The following ALCAM variants were observed in gnomAD, a reference collection of about 807,000 sequenced individuals.
ALCAM encodes activated leukocyte cell adhesion molecule, also known as CD166 antigen.
A neutral mutation model predicts 70.9 loss-of-function variants in ALCAM; 30 were observed. That is an observed-to-expected ratio of 0.42 (90% CI 0.32 to 0.57). The LOEUF (loss-of-function observed/expected upper bound fraction) is 0.57, where lower values mean the gene tolerates loss of function less well. ALCAM is among the 20% of genes least tolerant of loss of function. ALCAM has a pLI of 0.11. For synonymous variants in ALCAM, 249 were observed against 242.5 expected, an observed-to-expected ratio of 1.03 and a Z score of -0.25; for missense variants, 591 against 695.1, an observed-to-expected ratio of 0.85 and a Z score of 1.68.
chr3:105,374,483 A>T (rs1451996472), intron 1 of ALCAM, among the ~76,000 whole-genome samples: 1 of 152,090 alleles, frequency 6.6e-6, no homozygotes. Flanking sequence ...GTCACTAAGA[A>T]ATCTTCTAAT....
chr3:105,382,354 G>A (rs1935544605), intron 1 of ALCAM, among the ~76,000 whole-genome samples: 1 of 151,940 alleles, frequency 6.6e-6, no homozygotes, highest in Non-Finnish European at 1.5e-5. Context: ...GGACATTTGG[G>A]TTCTTTCCAA....
At chr3:105,379,183 A>G (rs1349285005) in intron 1 of ALCAM, among the ~76,000 whole-genome samples, 2 of 152,016 alleles carry the variant, frequency 1.3e-5, no homozygotes, top group Non-Finnish European at 2.9e-5. Flanking sequence ...GTCAGTGCCT[A>G]GCACATTGTA....
chr3:105,528,660 AT>A (rs1939766625), intron 3 of ALCAM, among the ~76,000 whole-genome samples: 2 of 152,174 alleles, frequency 1.3e-5, no homozygotes, highest in Admixed American at 6.5e-5. Flanking sequence ...GTTCTCACTT[AT>A]AAGTGGGAGC....
chr3:105,571,809 A>G, intron 14 of ALCAM, 43 bp from the exon 15 acceptor site: 1 of 1,332,300 alleles, frequency 7.5e-7, no homozygotes, highest in South Asian at 1.3e-5. Flanking sequence ...AAAGTTGAAC[A>G]TGTATGTGTC....
chr3:105,376,760 T>C (rs1043749410), intron 1 of ALCAM, among the ~76,000 whole-genome samples: 7 of 152,218 alleles, frequency 4.6e-5, no homozygotes, highest in Admixed American at 4.6e-4. Context: ...AAGTGATATC[T>C]GAGCTACGTG....
At chr3:105,405,027 C>G (rs1032937875) in intron 1 of ALCAM, among the ~76,000 whole-genome samples, 1 of 151,978 alleles carries the variant, frequency 6.6e-6, no homozygotes, top group Non-Finnish European at 1.5e-5. Flanking sequence ...CCTGTAATCC[C>G]AACACTTTGG....
At chr3:105,553,245 C>G (rs550533770) in intron 14 of ALCAM, 10 of 443,380 alleles carry the variant, frequency 2.3e-5, no homozygotes, top group African/African-American at 2.1e-4. Flanking sequence ...AAGGAAAATC[C>G]GATGAACCAG....
chr3:105,457,320 T>C (rs1235170857), intron 1 of ALCAM, among the ~76,000 whole-genome samples: 4 of 152,088 alleles, frequency 2.6e-5, no homozygotes, highest in African/African-American at 9.7e-5. Context: ...TTTAACCAAA[T>C]ACTGCATGTT....
intron 1 of ALCAM, among the ~76,000 whole-genome samples, chr3:105,494,140 G>A (rs1380160334): frequency 5.9e-5 from 9 of 152,142 alleles, no homozygotes; most frequent in Admixed American, 1.3e-4. Context: ...CTGAAAAGAA[G>A]GGTCAATGAG....
intron 8 of ALCAM, 102 bp from the exon 9 acceptor site, chr3:105,545,121 C>A: frequency 1.3e-6 from 1 of 772,210 alleles, no homozygotes. Flanking sequence ...TGTTCAAATG[C>A]AGTTAGAAGA....
chr3:105,402,044 A>G (rs1936102926), intron 1 of ALCAM, among the ~76,000 whole-genome samples: 1 of 152,202 alleles, frequency 6.6e-6, no homozygotes, highest in African/African-American at 2.4e-5. Context: ...AACAGGAAGC[A>G]AAGTGAGTGA....
intron 1 of ALCAM, among the ~76,000 whole-genome samples, chr3:105,394,935 A>G (rs1481675355): frequency 6.6e-6 from 1 of 151,924 alleles, no homozygotes; most frequent in African/African-American, 2.4e-5. Context: ...CATTTTTTCT[A>G]CTAATGTGGA....
chr3:105,400,549 A>G (rs1387633860), intron 1 of ALCAM, among the ~76,000 whole-genome samples: 3 of 152,208 alleles, frequency 2.0e-5, no homozygotes, highest in African/African-American at 7.2e-5. Context: ...TTAGAAGAGT[A>G]ATACAGTAAT....
chr3:105,455,107 G>T (rs1387866395), intron 1 of ALCAM, among the ~76,000 whole-genome samples: 3 of 151,948 alleles, frequency 2.0e-5, no homozygotes, highest in Admixed American at 6.6e-5. Flanking sequence ...TATAAGCTTG[G>T]TTATATGTAT....
At chr3:105,520,295 G>T in intron 2 of ALCAM, 128 bp downstream of exon 2, 3 of 617,422 alleles carry the variant, frequency 4.9e-6, no homozygotes, top group Non-Finnish European at 8.5e-6. Flanking sequence ...AATGTAGGAA[G>T]GTAAAATTGT....
chr3:105,404,304 CAAAA>C (rs1233738088), intron 1 of ALCAM, among the ~76,000 whole-genome samples: 4 of 151,850 alleles, frequency 2.6e-5, no homozygotes, highest in Admixed American at 6.6e-5. Context: ...CTAGTCAAGA[CAAAA>C]GAAAGAATCT....
At chr3:105,493,210 T>C (rs977797758) in intron 1 of ALCAM, among the ~76,000 whole-genome samples, 3 of 152,146 alleles carry the variant, frequency 2.0e-5, no homozygotes, top group Non-Finnish European at 2.9e-5. Flanking sequence ...TCAGTTCTCA[T>C]CAAAGAAATT....
At chr3:105,547,072 G>C (rs575690351) in intron 9 of ALCAM, 77 bp from the exon 10 acceptor site, 161 of 1,224,938 alleles carry the variant, frequency 1.3e-4, no homozygotes, top group Admixed American at 2.2e-4. Flanking sequence ...AATTGTTTTA[G>C]GCTTAATTAT....
chr3:105,394,702 A>G (rs1388037375), intron 1 of ALCAM, among the ~76,000 whole-genome samples: 1 of 151,828 alleles, frequency 6.6e-6, no homozygotes, highest in Non-Finnish European at 1.5e-5. Flanking sequence ...CACAACTCCA[A>G]TTTTCTCCTG....
Sources: gnomAD v4.1 joint callset for allele counts (sites outside exome capture counted in the v4.1 genomes callset) on GRCh38, gnomAD v4.1.1 for gene constraint, MANE v1.5 for transcripts, NCBI Gene and HGNC (gene_info 2026-07-23, HGNC 2026-07-21) for gene names.